QTMAN: variants seen among roughly 807,000 people sequenced by gnomAD.
QTMAN encodes queuosine-tRNA mannosyltransferase, also known as tRNA-queuosine alpha-mannosyltransferase.
the QTMAN span, among the ~76,000 whole-genome samples, chr2:144,049,277 T>C: frequency 6.6e-6 from 1 of 152,150 alleles, no homozygotes; most frequent in Admixed American, 6.6e-5. Context: ...TTTTGTTTAG[T>C]CTCATAGAAA....
At chr2:144,137,903 C>T in the QTMAN span, among the ~76,000 whole-genome samples, 3 of 152,092 alleles carry the variant, frequency 2.0e-5, no homozygotes, top group Admixed American at 2.0e-4. Context: ...TTAGTCATCA[C>T]TTTACTTAAC....
At chr2:144,241,695 ATCTT>A in the QTMAN span, among the ~76,000 whole-genome samples, 10 of 150,826 alleles carry the variant, frequency 6.6e-5, no homozygotes, top group Non-Finnish European at 1.2e-4. Context: ...CTTTCTGTCC[ATCTT>A]TCTTTCTGTC....
At chr2:144,120,239 T>C in the QTMAN span, among the ~76,000 whole-genome samples, 40 of 152,320 alleles carry the variant, frequency 2.6e-4, no homozygotes, top group African/African-American at 9.4e-4. Flanking sequence ...TTTTCTATCT[T>C]CTGACCCACC....
chr2:144,075,939 T>C, the QTMAN span, among the ~76,000 whole-genome samples: 2 of 152,224 alleles, frequency 1.3e-5, no homozygotes, highest in African/African-American at 4.8e-5. Flanking sequence ...TGTCAAATAA[T>C]GCACTGTTCA....
the QTMAN span, among the ~76,000 whole-genome samples, chr2:144,078,584 G>A: frequency 3.9e-5 from 6 of 152,262 alleles, no homozygotes; most frequent in African/African-American, 1.2e-4. Context: ...TTATCTGCAA[G>A]TCAAAGGGTA....
At chr2:144,150,749 T>C in the QTMAN span, among the ~76,000 whole-genome samples, 1 of 152,124 alleles carries the variant, frequency 6.6e-6, no homozygotes, top group Non-Finnish European at 1.5e-5. Flanking sequence ...TTTCTTTTCC[T>C]TCTGAGAATT....
chr2:144,182,692 T>TGCCTGATA, the QTMAN span, among the ~76,000 whole-genome samples: 2 of 136,970 alleles, frequency 1.5e-5, no homozygotes, highest in Non-Finnish European at 3.1e-5. Flanking sequence ...CTGCAGGGCA[T>TGCCTGATA]GCCTGATAGG....
At chr2:144,274,048 C>T in the QTMAN span, among the ~76,000 whole-genome samples, 3 of 152,050 alleles carry the variant, frequency 2.0e-5, no homozygotes, top group Non-Finnish European at 4.4e-5. Context: ...GCAGGAGAAT[C>T]GCTTGAACCC....
the QTMAN span, among the ~76,000 whole-genome samples, chr2:144,175,007 G>A: frequency 6.6e-6 from 1 of 152,090 alleles, no homozygotes; most frequent in South Asian, 2.1e-4. Context: ...ATCCAACTGG[G>A]TAGGGGACCA....
the QTMAN span, among the ~76,000 whole-genome samples, chr2:144,166,494 C>T: frequency 7.9e-5 from 12 of 152,274 alleles, 1 homozygote; most frequent in South Asian, 2.3e-3. Context: ...TTTGTAACCC[C>T]AATACCTGGC....
At chr2:144,294,546 T>C in the QTMAN span, 1 of 152,174 alleles carries the variant, frequency 6.6e-6, no homozygotes, top group African/African-American at 2.4e-5. Context: ...CATAGGTTGA[T>C]AATTATTGAA....
At chr2:144,187,472 C>G in the QTMAN span, among the ~76,000 whole-genome samples, 4 of 152,162 alleles carry the variant, frequency 2.6e-5, no homozygotes, top group African/African-American at 9.7e-5. Context: ...GCCCCATGAC[C>G]TAAACACCTC....
the QTMAN span, among the ~76,000 whole-genome samples, chr2:143,992,438 T>G: frequency 2.0e-5 from 3 of 148,024 alleles, no homozygotes; most frequent in South Asian, 6.6e-4. Flanking sequence ...ACCAGAGACC[T>G]TTGTTCACTT....
the QTMAN span, among the ~76,000 whole-genome samples, chr2:144,279,763 A>G: frequency 6.6e-6 from 1 of 152,224 alleles, no homozygotes; most frequent in African/African-American, 2.4e-5. Context: ...TCCTTGGTAT[A>G]TACCATCGCT....
the QTMAN span, among the ~76,000 whole-genome samples, chr2:144,100,859 C>CTTTTTT: frequency 3.3e-3 from 254 of 77,900 alleles, 2 homozygotes; most frequent in Middle Eastern, 0.013. Flanking sequence ...GTCTTTCTTT[C>CTTTTTT]TTTTTTTTTT....
the QTMAN span, among the ~76,000 whole-genome samples, chr2:144,312,779 T>C: frequency 3.3e-5 from 5 of 152,172 alleles, no homozygotes; most frequent in African/African-American, 1.2e-4. Flanking sequence ...TGAGATCTGA[T>C]GGTTTACAAG....
At chr2:144,161,256 G>C in the QTMAN span, among the ~76,000 whole-genome samples, 1 of 151,996 alleles carries the variant, frequency 6.6e-6, no homozygotes. Flanking sequence ...AGATCACTTG[G>C]ACATCACAAC....
chr2:144,030,740 G>A, the QTMAN span, among the ~76,000 whole-genome samples: 1 of 152,204 alleles, frequency 6.6e-6, no homozygotes, highest in Non-Finnish European at 1.5e-5. Context: ...AAGAGAGACA[G>A]GGAGAAAGAT....
At chr2:144,112,560 A>G in the QTMAN span, among the ~76,000 whole-genome samples, 1 of 152,232 alleles carries the variant, frequency 6.6e-6, no homozygotes, top group African/African-American at 2.4e-5. Flanking sequence ...TAACAGCAAG[A>G]CAGAAAGCTT....
Sources: gnomAD v4.1 joint callset for allele counts (sites outside exome capture counted in the v4.1 genomes callset) on GRCh38, gnomAD v4.1.1 for gene constraint, MANE v1.5 for transcripts, NCBI Gene and HGNC (gene_info 2026-07-23, HGNC 2026-07-21) for gene names.